VWA8: variants seen among roughly 807,000 people sequenced by gnomAD.
VWA8 encodes von Willebrand factor A domain-containing protein 8.
Under a neutral mutation model 241.5 loss-of-function variants are expected in VWA8, and 221 were observed. That is an observed-to-expected ratio of 0.91 (90% CI 0.82 to 1.02). The LOEUF (loss-of-function observed/expected upper bound fraction) is 1.02. Ranked by LOEUF, VWA8 falls within the 50% of genes least tolerant of loss-of-function variation. The probability of loss-of-function intolerance (pLI) is 0.00; values close to 1 mark genes in which losing one functional copy is unlikely to be tolerated. For missense variants in VWA8, 2,322 were observed against 2,328.7 expected (o/e 1.00, Z 0.06); for synonymous variants, 852 against 827.1 (o/e 1.03, Z -0.52).
chr13:41,720,902 T>G (rs2045384610), intron 25 of VWA8, among the ~76,000 whole-genome samples: 1 of 152,214 alleles, frequency 6.6e-6, no homozygotes, highest in Non-Finnish European at 1.5e-5. Context: ...GGAAATTTCA[T>G]TCTCCTGCCT....
At chr13:41,729,150 A>G (rs1241563608) in intron 23 of VWA8, among the ~76,000 whole-genome samples, 1 of 152,216 alleles carries the variant, frequency 6.6e-6, no homozygotes, top group East Asian at 1.9e-4. Flanking sequence ...CTTTATATAT[A>G]CACACGTATT....
At chr13:41,882,093 G>A (rs1179290818) in intron 9 of VWA8, among the ~76,000 whole-genome samples, 56 of 149,486 alleles carry the variant, frequency 3.7e-4, no homozygotes, top group South Asian at 3.0e-3. Flanking sequence ...CAGACGGGGC[G>A]GCCGGGCAGA....
At chr13:41,876,754 G>C (rs1873918458) in intron 9 of VWA8, among the ~76,000 whole-genome samples, 1 of 152,054 alleles carries the variant, frequency 6.6e-6, no homozygotes. Context: ...ATTTAACAAG[G>C]CATCTTTGCA....
intron 21 of VWA8, among the ~76,000 whole-genome samples, chr13:41,744,111 G>A (rs1052489802): frequency 3.9e-5 from 6 of 152,180 alleles, no homozygotes; most frequent in African/African-American, 1.4e-4. Context: ...TTGCTTCCAG[G>A]TGGGGTAACT....
chr13:41,851,126 T>G (rs948380415), intron 12 of VWA8, among the ~76,000 whole-genome samples: 2 of 152,180 alleles, frequency 1.3e-5, no homozygotes, highest in Non-Finnish European at 2.9e-5. Context: ...ACTTATTCAT[T>G]CTGCTTAACT....
intron 21 of VWA8, among the ~76,000 whole-genome samples, chr13:41,737,999 C>T (rs1193399582): frequency 6.6e-6 from 1 of 152,032 alleles, no homozygotes; most frequent in Non-Finnish European, 1.5e-5. Context: ...CCTCCTGAAG[C>T]CCAACATTAC....
At chr13:41,598,347 T>G (rs985314365) in intron 40 of VWA8, among the ~76,000 whole-genome samples, 2 of 152,004 alleles carry the variant, frequency 1.3e-5, no homozygotes, top group African/African-American at 4.8e-5. Context: ...ATATGAGAAT[T>G]TAGGCCCTGT....
intron 2 of VWA8, chr13:41,926,155 C>A: frequency 1.7e-6 from 1 of 602,900 alleles, no homozygotes; most frequent in South Asian, 2.2e-5. Context: ...CAGGGGAACC[C>A]TGGGAAAACC....
At chr13:41,838,250 A>G (rs1386920523) in intron 12 of VWA8, among the ~76,000 whole-genome samples, 2 of 152,160 alleles carry the variant, frequency 1.3e-5, no homozygotes, top group African/African-American at 2.4e-5. Flanking sequence ...TCAATACTCA[A>G]TAAAATAACT....
intron 14 of VWA8, among the ~76,000 whole-genome samples, chr13:41,828,027 C>T (rs1206890054): frequency 2.6e-5 from 4 of 152,124 alleles, no homozygotes; most frequent in Admixed American, 6.5e-5. Flanking sequence ...GTGCCAAAGC[C>T]GACTGCTATT....
At chr13:41,673,328 G>A (rs1435575264) in intron 36 of VWA8, among the ~76,000 whole-genome samples, 1 of 152,144 alleles carries the variant, frequency 6.6e-6, no homozygotes, top group African/African-American at 2.4e-5. Flanking sequence ...GCTATCAAAT[G>A]GAAAATTCCT....
intron 4 of VWA8, among the ~76,000 whole-genome samples, chr13:41,893,332 A>G (rs902819978): frequency 3.9e-5 from 6 of 152,182 alleles, no homozygotes; most frequent in Non-Finnish European, 8.8e-5. Context: ...AAACTTTATG[A>G]AAGCCATATT....
In VWA8 at chr13:41,773,129, T is replaced by A. The variant is rs184485988; in HGVS notation, c.2349+4856A>T. Among the ~76,000 whole-genome samples, 8 of 152,362 alleles carry A rather than the reference T, an allele frequency of 5.3e-5. No homozygotes were observed. The East Asian group carries it at 1.5e-3, about 29-fold the overall frequency. On this transcript the variant is annotated intron_variant, in intron 20 of 44. Transcript: ENST00000379310. Reference sequence around the variant, plus strand: ...GAACAATTGCTACACATGATTCATTTACTTTAAAAATAAGTTATGTGATTA... The same window carrying A: ...GAACAATTGCTACACATGATTCATTAACTTTAAAAATAAGTTATGTGATTA...
chr13:41,832,058 G>A (rs1463791912), intron 13 of VWA8, among the ~76,000 whole-genome samples: 3 of 152,072 alleles, frequency 2.0e-5, no homozygotes, highest in Admixed American at 6.5e-5. Context: ...AGCCTCCTGA[G>A]TAGCTGGGAC....
chr13:41,708,624 T>A (rs1489193537), intron 26 of VWA8, among the ~76,000 whole-genome samples: 1 of 152,198 alleles, frequency 6.6e-6, no homozygotes, highest in Non-Finnish European at 1.5e-5. Context: ...TGGTTCTGCA[T>A]TTAGCTATTA....
intron 37 of VWA8, 131 bp downstream of exon 37, chr13:41,670,814 TA>T: frequency 1.0e-6 from 1 of 1,000,508 alleles, no homozygotes; most frequent in Non-Finnish European, 1.4e-6. Flanking sequence ...ATTTTGTATC[TA>T]AAAATTCTTT....
At chr13:41,827,577 G>C (rs1036379419) in intron 14 of VWA8, among the ~76,000 whole-genome samples, 3 of 152,080 alleles carry the variant, frequency 2.0e-5, no homozygotes, top group African/African-American at 7.2e-5. Flanking sequence ...CTCTAGTTTC[G>C]TGCATGTTTA....
rs371253061 is a variant in VWA8 at position 41,907,851 on chromosome 13, GA to G, written c.373-156del. Among the ~76,000 whole-genome samples the G allele has an allele frequency of 1.4e-4, 22 of 152,292 alleles. No individual in the cohort carries two copies. The East Asian group carries it at 4.1e-3, about 28-fold the overall frequency. On this transcript the variant is annotated intron_variant, in intron 3 of 44. Coordinates refer to ENST00000379310, the MANE Select transcript of VWA8 (RefSeq NM_015058.2). ...TGTTGAATCTAAGTTTGAGAAAAAA[GA>G]AATAAATTGAACTTTAATCAAAATA... is the stretch of plus-strand genomic sequence containing the variant.
chr13:41,665,582 A>T (rs943423294), intron 37 of VWA8, among the ~76,000 whole-genome samples: 6 of 152,120 alleles, frequency 3.9e-5, no homozygotes, highest in Non-Finnish European at 7.4e-5. Flanking sequence ...TAAGTACTTA[A>T]TGTAAGTACT....
Sources: gnomAD v4.1 joint callset for allele counts (sites outside exome capture counted in the v4.1 genomes callset) on GRCh38, gnomAD v4.1.1 for gene constraint, MANE v1.5 for transcripts, NCBI Gene and HGNC (gene_info 2026-07-23, HGNC 2026-07-21) for gene names.